The following EEFSEC variants were observed in gnomAD, a reference collection of about 807,000 sequenced individuals.
EEFSEC encodes selenocysteine-specific elongation factor.
A neutral mutation model predicts 42.1 loss-of-function variants in EEFSEC; 43 were observed. The ratio of observed to expected loss-of-function variants is 1.02; its 90% CI spans 0.80 to 1.32. The LOEUF is 1.32. Ranked by LOEUF, EEFSEC falls within the 40% of genes most tolerant of loss-of-function variation. The pLI, the probability that EEFSEC is intolerant of heterozygous loss-of-function variation, is 0.00. For synonymous variants in EEFSEC, 354 were observed against 339.1 expected, an observed-to-expected ratio of 1.04 and a Z score of -0.48; for missense variants, 745 against 803.6, an observed-to-expected ratio of 0.93 and a Z score of 0.88.
chr3:128,277,800 A>T (rs1473481570), intron 4 of EEFSEC, among the ~76,000 whole-genome samples: 1 of 152,226 alleles, frequency 6.6e-6, no homozygotes, highest in Non-Finnish European at 1.5e-5. Flanking sequence ...GAGTTCTCTG[A>T]GGGCAGATAG....
intron 4 of EEFSEC, among the ~76,000 whole-genome samples, chr3:128,275,068 C>T (rs1241301217): frequency 6.6e-6 from 1 of 152,142 alleles, no homozygotes; most frequent in Non-Finnish European, 1.5e-5. Flanking sequence ...TTTCCTCCCT[C>T]TAGCTGTGGG....
intron 1 of EEFSEC, among the ~76,000 whole-genome samples, chr3:128,178,284 C>CT (rs1284875753): frequency 6.6e-6 from 1 of 151,802 alleles, no homozygotes; most frequent in Non-Finnish European, 1.5e-5. Flanking sequence ...ATTTAAATAC[C>CT]TTTTTTCTCA....
At chr3:128,392,893 GC>G (rs2067932852) in intron 6 of EEFSEC, among the ~76,000 whole-genome samples, 1 of 152,198 alleles carries the variant, frequency 6.6e-6, no homozygotes, top group Non-Finnish European at 1.5e-5. Flanking sequence ...GGTGGGTACA[GC>G]CCCCTCCCCA....
At chr3:128,189,491 G>A (rs1246597157) in intron 1 of EEFSEC, among the ~76,000 whole-genome samples, 2 of 151,868 alleles carry the variant, frequency 1.3e-5, no homozygotes, top group Non-Finnish European at 2.9e-5. Flanking sequence ...GATAATACAT[G>A]ACTGGTTTAT....
chr3:128,213,172 AG>A (rs1553743233), intron 1 of EEFSEC, among the ~76,000 whole-genome samples: 1 of 152,228 alleles, frequency 6.6e-6, no homozygotes, highest in Non-Finnish European at 1.5e-5. Context: ...GGGTTGTGGC[AG>A]TTGCTGCATT....
intron 1 of EEFSEC, among the ~76,000 whole-genome samples, chr3:128,172,677 C>T (rs993422425): frequency 2.0e-5 from 3 of 152,210 alleles, no homozygotes; most frequent in African/African-American, 7.2e-5. Context: ...CACTGTTGGA[C>T]ATGAGGATGG....
chr3:128,259,078 C>T (rs1576586982), intron 2 of EEFSEC, among the ~76,000 whole-genome samples: 1 of 152,308 alleles, frequency 6.6e-6, no homozygotes, highest in East Asian at 1.9e-4. Flanking sequence ...ATAATACCCA[C>T]CTTTCAGGAT....
chr3:128,292,711 T>C (rs1481406661), intron 4 of EEFSEC, among the ~76,000 whole-genome samples: 2 of 151,968 alleles, frequency 1.3e-5, no homozygotes, highest in East Asian at 3.8e-4. Context: ...TCAGTCTTGC[T>C]AGATGTTTGT....
At chr3:128,265,744 A>G (rs2066346705) in intron 4 of EEFSEC, among the ~76,000 whole-genome samples, 2 of 152,138 alleles carry the variant, frequency 1.3e-5, no homozygotes, top group Non-Finnish European at 2.9e-5. Context: ...GAGGCATTTT[A>G]AGGTTGTCTG....
At chr3:128,279,143 C>T (rs1019916801) in intron 4 of EEFSEC, among the ~76,000 whole-genome samples, 4 of 152,106 alleles carry the variant, frequency 2.6e-5, no homozygotes, top group African/African-American at 4.8e-5. Flanking sequence ...GTGAACCATA[C>T]GGCGGCGGCG....
chr3:128,368,868 G>A (rs1029004412), intron 6 of EEFSEC, among the ~76,000 whole-genome samples: 2 of 152,258 alleles, frequency 1.3e-5, no homozygotes, highest in Non-Finnish European at 2.9e-5. Context: ...GAAAACCCAA[G>A]GGGCTGGGCC....
At chr3:128,382,793 G>C (rs973625969) in intron 6 of EEFSEC, among the ~76,000 whole-genome samples, 1 of 152,020 alleles carries the variant, frequency 6.6e-6, no homozygotes, top group Non-Finnish European at 1.5e-5. Flanking sequence ...AGCCATACTA[G>C]GATGAGCCCG....
intron 2 of EEFSEC, among the ~76,000 whole-genome samples, chr3:128,251,994 A>G (rs1576581809): frequency 6.6e-6 from 1 of 152,054 alleles, no homozygotes; most frequent in Non-Finnish European, 1.5e-5. Flanking sequence ...ACATAATTTG[A>G]GGTAGTTGTT....
intron 1 of EEFSEC, among the ~76,000 whole-genome samples, chr3:128,220,327 C>T (rs1423898933): frequency 1.3e-5 from 2 of 152,122 alleles, no homozygotes; most frequent in East Asian, 3.8e-4. Flanking sequence ...TCAATTACTC[C>T]CACTCTTGAG....
chr3:128,417,557 A>G, the EEFSEC span, among the ~76,000 whole-genome samples: 1 of 151,768 alleles, frequency 6.6e-6, no homozygotes, highest in Non-Finnish European at 1.5e-5. The surrounding 1 kb of genome is among the most constrained non-coding windows in gnomAD (Gnocchi z 4.3). Flanking sequence ...TGTCGACCTC[A>G]TTTACTGCCA....
chr3:128,299,004 G>T (rs938347969), intron 4 of EEFSEC, among the ~76,000 whole-genome samples: 2 of 152,144 alleles, frequency 1.3e-5, no homozygotes, highest in African/African-American at 2.4e-5. Context: ...TATCTTGGCT[G>T]TTGTGAATAG....
chr3:128,274,504 C>G (rs2066446269), intron 4 of EEFSEC, among the ~76,000 whole-genome samples: 1 of 152,182 alleles, frequency 6.6e-6, no homozygotes, highest in South Asian at 2.1e-4. Context: ...TGGCTGGCCT[C>G]TGGACATCCC....
At chr3:128,167,106 A>G in intron 1 of EEFSEC, among the ~76,000 whole-genome samples, 1 of 152,124 alleles carries the variant, frequency 6.6e-6, no homozygotes, top group East Asian at 1.9e-4. Flanking sequence ...GTGCTCTCTC[A>G]TGCTGCATAT....
chr3:128,223,514 A>G (rs2065880294), intron 1 of EEFSEC, among the ~76,000 whole-genome samples: 1 of 152,084 alleles, frequency 6.6e-6, no homozygotes, highest in African/African-American at 2.4e-5. Flanking sequence ...CTGACCATTG[A>G]CTTTAGGTGG....
Sources: gnomAD v4.1 joint callset for allele counts (sites outside exome capture counted in the v4.1 genomes callset) on GRCh38, gnomAD v4.1.1 for gene constraint, Gnocchi (gnomAD v3.1) non-coding constraint, MANE v1.5 for transcripts, NCBI Gene and HGNC (gene_info 2026-07-23, HGNC 2026-07-21) for gene names.